Variants in TAF1D observed in about 807,000 individuals in gnomAD.
TAF1D encodes the protein TATA box-binding protein-associated factor RNA polymerase I subunit D.
Under a neutral mutation model 26.2 loss-of-function variants are expected in TAF1D, and 23 were observed. The observed-to-expected ratio is 0.88, with a 90% CI of 0.63 to 1.25. The LOEUF is 1.25. TAF1D is among the 50% of genes most tolerant of loss of function. The pLI is 0.00. For missense variants in TAF1D, 299 were observed against 322.0 expected, an observed-to-expected ratio of 0.93 and a Z score of 0.55; for synonymous variants, 100 against 105.6, an observed-to-expected ratio of 0.95 and a Z score of 0.33.
intron 3 of TAF1D, 87 bp downstream of exon 3, chr11:93,738,022 T>C (rs902505396): frequency 2.1e-6 from 3 of 1,445,572 alleles, no homozygotes; most frequent in South Asian, 1.5e-5. Flanking sequence ...CTGTTCCCAG[T>C]ATATCTGAGA....
downstream of TAF1D, chr11:93,730,811 T>G: frequency 2.5e-6 from 1 of 402,790 alleles, no homozygotes; most frequent in South Asian, 1.9e-5. Context: ...GAGTTAACTC[T>G]ACTACAAACT....
At chr11:93,734,800 G>C, downstream of TAF1D, 1 of 1,229,014 alleles carries the variant, frequency 8.1e-7, no homozygotes, top group African/African-American at 1.6e-5. Context: ...TTAAGAGACA[G>C]GGTCTGTCTT....
In TAF1D at chr11:93,735,819, A is replaced by C; in HGVS notation, c.*342T>G. The C allele has an allele frequency of 9.4e-7, 1 of 1,068,088 alleles. No homozygotes were observed. Among genetic ancestry groups the C allele is most frequent in the South Asian group, 2.9e-5 (1 of 34,990 alleles). 66.2% of individuals were successfully genotyped at this position (1,068,088 alleles called of 1,614,324 possible). ...CCCTCTTCAAGATGGTTGGGTGTCAAGTTACTTTAAGATTTTCTTTTCAAA... is the reference window on the plus strand; with the variant it reads ...CCCTCTTCAAGATGGTTGGGTGTCACGTTACTTTAAGATTTTCTTTTCAAA... On this transcript the variant is annotated 3_prime_UTR_variant, in exon 6 of 6. Transcript: ENST00000448108.
Position 93,739,046 on chromosome 11 carries a change from T to C in TAF1D, c.68+191A>G, listed in dbSNP as rs1941299695. On this transcript the variant is annotated intron_variant, in intron 2 of 5. Coordinates refer to ENST00000448108, the MANE Select transcript of TAF1D (RefSeq NM_024116.4). ...TTTTCTCGACGAATGTGTCCCATAA[T>C]ATATTCACATTTTGAATTTAAAGTA... The C allele has an allele frequency of 5.3e-6, 3 of 566,110 alleles. No individual in the cohort carries two copies. In the African/African-American group the frequency reaches 5.7e-5, roughly 11 times the overall value. 35.1% of individuals were successfully genotyped at this position (566,110 alleles called of 1,614,324 possible). A position where few individuals can be genotyped will look rare whatever the true frequency, so the allele number is the denominator to read the frequency against.
downstream of TAF1D, chr11:93,734,432 T>C (rs1289437011): frequency 6.1e-6 from 2 of 329,050 alleles, no homozygotes; most frequent in Non-Finnish European, 1.2e-5. Context: ...GACCCTCTAA[T>C]GCTTGCAACT....
At chr11:93,735,325 G>C, downstream of TAF1D, 1 of 1,189,976 alleles carries the variant, frequency 8.4e-7, no homozygotes, top group Non-Finnish European at 1.1e-6. Flanking sequence ...TTCTCCCCAG[G>C]TATACATGTT....
downstream of TAF1D, chr11:93,735,250 C>T: frequency 7.4e-7 from 1 of 1,343,296 alleles, no homozygotes; most frequent in Non-Finnish European, 9.8e-7. Context: ...CCAAAATGCA[C>T]TACATAGCAG....
downstream of TAF1D, chr11:93,735,150 A>T (rs747312299): frequency 7.4e-7 from 1 of 1,351,356 alleles, no homozygotes; most frequent in African/African-American, 1.5e-5. Context: ...ATACTGAACA[A>T]TGAGTTCTGG....
At chr11:93,740,590 TGAACTAGC>T in intron 1 of TAF1D, among the ~76,000 whole-genome samples, 1 of 152,186 alleles carries the variant, frequency 6.6e-6, no homozygotes, top group Admixed American at 6.5e-5. Context: ...AATCCTAGGA[TGAACTAGC>T]AAAATATTTA....
downstream of TAF1D, chr11:93,731,825 A>T: frequency 2.8e-6 from 1 of 355,450 alleles, no homozygotes; most frequent in East Asian, 7.3e-5. Flanking sequence ...TACAAAGTAC[A>T]GTTACATTTT....
chr11:93,735,731 G>T lies in TAF1D; in HGVS notation c.*430C>A. The T allele has an allele frequency of 9.7e-7, 1 of 1,033,520 alleles. No homozygotes were observed. The highest frequency in any genetic ancestry group is 1.2e-6 in the Non-Finnish European group (1 of 860,098). 64.0% of individuals were successfully genotyped at this position (1,033,520 alleles called of 1,614,324 possible). ...GGAAATGAGGTTATTACAATACTAAGCATCTGACAGGTCACTTGTCATGGC... is the reference window on the plus strand; with the variant it reads ...GGAAATGAGGTTATTACAATACTAATCATCTGACAGGTCACTTGTCATGGC... On this transcript the variant is annotated 3_prime_UTR_variant, in exon 6 of 6. Transcript: ENST00000448108.
intron 2 of TAF1D, 159 bp downstream of exon 2, chr11:93,739,078 A>G: frequency 1.7e-6 from 1 of 573,702 alleles, no homozygotes. Flanking sequence ...AGTATTTGCA[A>G]TGCTATTATA....
downstream of TAF1D, chr11:93,731,295 G>A: frequency 2.9e-6 from 1 of 344,054 alleles, no homozygotes; most frequent in Non-Finnish European, 5.7e-6. Context: ...GGTTGCTTAG[G>A]TTCCAAAGTA....
In TAF1D at chr11:93,738,250, CCGTGGTCTTCCT is replaced by C; in HGVS notation, c.306_317del (p.Arg106_Pro109del). 6.2e-7 allele frequency: 1 copy of C among 1,612,788 alleles called. No individual in the cohort carries two copies. The highest frequency in any genetic ancestry group is 8.5e-7 in the Non-Finnish European group (1 of 1,179,750). On this transcript the variant is annotated inframe_deletion, in exon 3 of 6. Transcript: ENST00000448108. ...GATTTCTCCTTCCTTCTGGTCTTCC[CCGTGGTCTTCCT>C]GTTGGCTGGTACCTCCTCTTTTTCT...
At chr11:93,739,986 A>T (rs1941542386) in intron 1 of TAF1D, among the ~76,000 whole-genome samples, 1 of 151,060 alleles carries the variant, frequency 6.6e-6, no homozygotes, top group Admixed American at 6.6e-5. Flanking sequence ...AAAAAAAGAA[A>T]AAGATTCCTT....
downstream of TAF1D, chr11:93,734,636 G>C (rs1940281315): frequency 1.1e-6 from 1 of 911,686 alleles, no homozygotes; most frequent in African/African-American, 1.7e-5. Context: ...TTTAACTCCA[G>C]ACACCATGTT....
rs1306550177 is a variant in TAF1D at position 93,741,478 on chromosome 11, A to G, written c.-184T>C. On this transcript the variant is annotated 5_prime_UTR_variant, in exon 1 of 6. Coordinates refer to ENST00000448108, the MANE Select transcript of TAF1D (RefSeq NM_024116.4). ...CCCGATAACCAGCCGACCTCCTCCA[A>G]CCGTGCGGAAGAAAAGGGTTGGCTA... The G allele has an allele frequency of 2.2e-6, 1 of 456,060 alleles. No homozygotes were observed. The highest frequency in any genetic ancestry group is 4.4e-6 in the Non-Finnish European group (1 of 226,906). The allele number at this position is 456,060 out of a possible 1,614,324, so 28.3% of individuals were successfully genotyped here.
At chr11:93,737,960 G>A in intron 3 of TAF1D, 149 bp downstream of exon 3, 2 of 738,678 alleles carry the variant, frequency 2.7e-6, no homozygotes, top group Admixed American at 3.3e-5. Flanking sequence ...TGAAGGATAG[G>A]GTGGACTTTA....
At position 93,735,843 on chromosome 11, in the gene TAF1D, A is replaced by C; in HGVS notation, c.*318T>G. The C allele has an allele frequency of 9.2e-7, 1 of 1,082,978 alleles. No homozygotes were observed. 67.1% of individuals were successfully genotyped at this position (1,082,978 alleles called of 1,614,324 possible). A position where few individuals can be genotyped will look rare whatever the true frequency, so the allele number is the denominator to read the frequency against. On this transcript the variant is annotated 3_prime_UTR_variant, in exon 6 of 6. Coordinates refer to ENST00000448108, the MANE Select transcript of TAF1D (RefSeq NM_024116.4). ...AAGTTACTTTAAGATTTTCTTTTCAAAATTAAAATCACTACATTTCATTGT... is the reference window on the plus strand; with the variant it reads ...AAGTTACTTTAAGATTTTCTTTTCACAATTAAAATCACTACATTTCATTGT...
Sources: allele counts gnomAD v4.1 joint callset (sites outside exome capture counted in the v4.1 genomes callset), GRCh38; gene constraint gnomAD v4.1.1; transcripts MANE v1.5; gene names NCBI Gene and HGNC (gene_info 2026-07-23, HGNC 2026-07-21).